The following DTWD2 variants were observed in gnomAD, a reference collection of about 807,000 sequenced individuals.
DTWD2 encodes the protein tRNA-uridine aminocarboxypropyltransferase 2.
In DTWD2, 39 loss-of-function variants were observed where a neutral mutation model predicts 31.8. The ratio of observed to expected loss-of-function variants is 1.22; its 90% CI spans 0.95 to 1.60. The LOEUF is 1.60. DTWD2 is among the 40% of genes most tolerant of loss of function. The probability of loss-of-function intolerance (pLI) is 0.00; values close to 1 mark genes in which losing one functional copy is unlikely to be tolerated. For synonymous variants in DTWD2, 180 were observed against 142.8 expected (o/e 1.26, Z -1.86); for missense variants, 515 against 381.5 (o/e 1.35, Z -2.92).
chr5:118,954,527 T>C (rs1335834193), intron 1 of DTWD2, among the ~76,000 whole-genome samples: 2 of 152,062 alleles, frequency 1.3e-5, no homozygotes, highest in African/African-American at 4.8e-5. Flanking sequence ...ATTTTTTTCT[T>C]TTTTTGAGAC....
chr5:118,950,948 T>C (rs1391561033), intron 1 of DTWD2, among the ~76,000 whole-genome samples: 4 of 152,120 alleles, frequency 2.6e-5, no homozygotes, highest in East Asian at 1.9e-4. Flanking sequence ...AAAATGCATA[T>C]TGAGAATAAG....
chr5:118,854,410 CA>C (rs1339258584), intron 4 of DTWD2, among the ~76,000 whole-genome samples: 4 of 151,150 alleles, frequency 2.6e-5, no homozygotes, highest in African/African-American at 9.7e-5. Context: ...TCAACCAGAG[CA>C]AAACTTAGCA....
intron 4 of DTWD2, among the ~76,000 whole-genome samples, chr5:118,857,394 G>A (rs1486370663): frequency 6.6e-6 from 1 of 152,040 alleles, no homozygotes; most frequent in Admixed American, 6.6e-5. Context: ...CATATGTTGG[G>A]GGTTTTTTGC....
chr5:118,904,705 G>T (rs1753288452), intron 4 of DTWD2, among the ~76,000 whole-genome samples: 2 of 151,948 alleles, frequency 1.3e-5, no homozygotes, highest in African/African-American at 2.4e-5. Context: ...AGAAAAAGAG[G>T]GAGAATATGG....
chr5:118,903,742 G>A (rs1488742397), intron 4 of DTWD2, among the ~76,000 whole-genome samples: 1 of 151,500 alleles, frequency 6.6e-6, no homozygotes, highest in East Asian at 1.9e-4. Flanking sequence ...TGAATTTCCT[G>A]GAAATGTAAA....
intron 4 of DTWD2, among the ~76,000 whole-genome samples, chr5:118,848,789 T>C (rs1308686388): frequency 6.6e-6 from 1 of 152,150 alleles, no homozygotes; most frequent in Non-Finnish European, 1.5e-5. Flanking sequence ...GATTCCCTAT[T>C]TAATAAATGG....
chr5:118,885,658 G>A (rs897023360), intron 4 of DTWD2, among the ~76,000 whole-genome samples: 53 of 151,154 alleles, frequency 3.5e-4, no homozygotes, highest in African/African-American at 1.2e-3. Flanking sequence ...CCAGCTACTC[G>A]GGAGGCTGTG....
At chr5:118,965,133 C>T (rs1314750327) in intron 1 of DTWD2, among the ~76,000 whole-genome samples, 9 of 150,110 alleles carry the variant, frequency 6.0e-5, no homozygotes, top group East Asian at 2.0e-4. Context: ...CCAGCTGCCC[C>T]GTCTGAGAAG....
chr5:118,926,989 A>C (rs1162387168), intron 4 of DTWD2, among the ~76,000 whole-genome samples: 1 of 152,224 alleles, frequency 6.6e-6, no homozygotes, highest in Non-Finnish European at 1.5e-5. Context: ...CTGCATGGTC[A>C]CGGTCCTGGT....
chr5:118,837,507 T>C lies in DTWD2; in HGVS notation c.*3410A>G, dbSNP rs1411935382. 6.6e-6 allele frequency: 1 copy of C among 152,198 alleles called. No homozygotes were observed. The highest frequency in any genetic ancestry group is 1.5e-5 in the Non-Finnish European group (1 of 68,028). 9.4% of individuals were successfully genotyped at this position (152,198 alleles called of 1,614,324 possible). ...CAACTACAGGCAAGGGTCAACAATTTAGCTCCCTGAAATTCAGCATCCCTG... is the reference window on the plus strand; with the variant it reads ...CAACTACAGGCAAGGGTCAACAATTCAGCTCCCTGAAATTCAGCATCCCTG... On this transcript the variant is annotated 3_prime_UTR_variant, in exon 6 of 6. Transcript: ENST00000510708.
At chr5:118,898,444 G>C (rs1753129712) in intron 4 of DTWD2, among the ~76,000 whole-genome samples, 1 of 151,676 alleles carries the variant, frequency 6.6e-6, no homozygotes, top group African/African-American at 2.4e-5. Context: ...GATCACTTGA[G>C]GTTGGGAGTT....
intron 5 of DTWD2, among the ~76,000 whole-genome samples, chr5:118,843,881 C>G (rs1200885391): frequency 6.6e-6 from 1 of 152,190 alleles, no homozygotes; most frequent in African/African-American, 2.4e-5. Flanking sequence ...TATCCCTTTT[C>G]AAATTTAGGC....
intron 4 of DTWD2, among the ~76,000 whole-genome samples, chr5:118,887,030 C>T (rs1370414845): frequency 2.0e-5 from 3 of 152,038 alleles, no homozygotes; most frequent in South Asian, 2.1e-4. Flanking sequence ...AGGATCCTCT[C>T]CCAAAAAGAA....
chr5:118,987,178 A>G (rs1755447099), intron 1 of DTWD2, among the ~76,000 whole-genome samples: 1 of 152,016 alleles, frequency 6.6e-6, no homozygotes. Context: ...TGCTTCCCCA[A>G]CCCCCTCAGA....
At chr5:118,876,515 A>T (rs1752625205) in intron 4 of DTWD2, among the ~76,000 whole-genome samples, 1 of 152,200 alleles carries the variant, frequency 6.6e-6, no homozygotes, top group Admixed American at 6.5e-5. Flanking sequence ...AAGAGATATG[A>T]TTCAAATAAA....
chr5:118,847,151 C>T (rs1751877214), intron 5 of DTWD2, among the ~76,000 whole-genome samples: 1 of 152,068 alleles, frequency 6.6e-6, no homozygotes, highest in African/African-American at 2.4e-5. Flanking sequence ...AATACATTTA[C>T]TCTGAACTGA....
intron 4 of DTWD2, among the ~76,000 whole-genome samples, chr5:118,915,897 A>G (rs901189605): frequency 6.6e-6 from 1 of 152,242 alleles, no homozygotes; most frequent in Non-Finnish European, 1.5e-5. Context: ...TAAAAGTAAG[A>G]GGAAGTTCTG....
At chr5:118,878,590 G>C (rs1321364606) in intron 4 of DTWD2, among the ~76,000 whole-genome samples, 1 of 152,072 alleles carries the variant, frequency 6.6e-6, no homozygotes, top group Non-Finnish European at 1.5e-5. Context: ...ACAGGCACAG[G>C]CAGAGATTTC....
chr5:118,879,429 G>A (rs1014165210), intron 4 of DTWD2, among the ~76,000 whole-genome samples: 12 of 151,848 alleles, frequency 7.9e-5, no homozygotes, highest in African/African-American at 1.2e-4. Flanking sequence ...TGGCCAGCAC[G>A]GTGAAACCTG....
Sources: gnomAD v4.1 joint callset for allele counts (sites outside exome capture counted in the v4.1 genomes callset) on GRCh38, gnomAD v4.1.1 for gene constraint, MANE v1.5 for transcripts, NCBI Gene and HGNC (gene_info 2026-07-23, HGNC 2026-07-21) for gene names.